Variants in ZNF708 observed in about 807,000 individuals in gnomAD.
The protein encoded by ZNF708 is ZNF15, ZNF15L1.
Under a neutral mutation model 47.0 loss-of-function variants are expected in ZNF708, and 44 were observed. The ratio of observed to expected loss-of-function variants is 0.94; its 90% CI spans 0.74 to 1.20. ZNF708 has a LOEUF of 1.20. Ranked by LOEUF, ZNF708 falls within the 50% of genes most tolerant of loss-of-function variation. The pLI is 0.00. For synonymous variants in ZNF708, 184 were observed against 218.5 expected, an observed-to-expected ratio of 0.84 and a Z score of 1.39; for missense variants, 557 against 656.0, an observed-to-expected ratio of 0.85 and a Z score of 1.65.
At chr19:21,318,459 A>C (rs1973060362) in intron 1 of ZNF708, 2 of 152,200 alleles carry the variant, frequency 1.3e-5, no homozygotes, top group Admixed American at 1.3e-4. Flanking sequence ...AAAGAAGTTA[A>C]ATGTATCTTG....
chr19:21,300,497 A>G (rs1409304540), intron 3 of ZNF708, among the ~76,000 whole-genome samples: 5 of 148,928 alleles, frequency 3.4e-5, no homozygotes, highest in African/African-American at 1.2e-4. Flanking sequence ...CAAGAACGAA[A>G]CTCTGTCTAA....
intron 1 of ZNF708, among the ~76,000 whole-genome samples, chr19:21,321,386 G>A (rs1973133128): frequency 6.6e-6 from 1 of 151,926 alleles, no homozygotes; most frequent in African/African-American, 2.4e-5. Flanking sequence ...TCAGGAGTTC[G>A]AGACCAGTCT....
Position 21,291,745 on chromosome 19 carries a change from ATC to A in ZNF708, c.*1527_*1528del, listed in dbSNP as rs1972398889. 6.6e-6 allele frequency: 1 copy of A among 152,054 alleles called. No homozygotes were observed. The highest frequency in any genetic ancestry group is 2.1e-4 in the South Asian group (1 of 4,786). 9.4% of individuals were successfully genotyped at this position (152,054 alleles called of 1,614,324 possible). A position where few individuals can be genotyped will look rare whatever the true frequency, so the allele number is the denominator to read the frequency against. On this transcript the variant is annotated 3_prime_UTR_variant, in exon 4 of 4. Transcript: ENST00000356929. Reference sequence around the variant, plus strand: ...CCGGACGTGGTGGTGTGCACCTGTAATCTCAGCTACTCAGTAGGCTGAGGCAG... The same window carrying A: ...CCGGACGTGGTGGTGTGCACCTGTAATCAGCTACTCAGTAGGCTGAGGCAG...
intron 1 of ZNF708, among the ~76,000 whole-genome samples, chr19:21,322,703 C>A (rs1002909227): frequency 1.3e-5 from 2 of 152,214 alleles, no homozygotes; most frequent in East Asian, 3.8e-4. Context: ...GAGAGCAGAG[C>A]GTCCCATTCC....
intron 1 of ZNF708, among the ~76,000 whole-genome samples, chr19:21,320,717 T>A (rs1973110947): frequency 7.8e-6 from 1 of 128,472 alleles, no homozygotes; most frequent in African/African-American, 3.0e-5. Flanking sequence ...ATAAAAGATC[T>A]AATAAAAACA....
chr19:21,302,902 A>G (rs972212577), intron 3 of ZNF708, among the ~76,000 whole-genome samples: 1 of 152,036 alleles, frequency 6.6e-6, no homozygotes, highest in Non-Finnish European at 1.5e-5. Flanking sequence ...GAAACACATA[A>G]CAATAACAGT....
In ZNF708 at chr19:21,291,512, A is replaced by T. The variant is rs489845; in HGVS notation, c.*1762T>A. 144,823 of 152,244 alleles carry T rather than the reference A, an allele frequency of 0.95. 69,148 individuals are homozygous for T. The highest frequency in any genetic ancestry group is 1 in the Middle Eastern group (293 of 294). 9.4% of individuals were successfully genotyped at this position (152,244 alleles called of 1,614,324 possible). On this transcript the variant is annotated 3_prime_UTR_variant, in exon 4 of 4. Transcript: ENST00000356929. Reference sequence around the variant, plus strand: ...AATGAAGAAATAGCATCAAGTAACTAGAGAGTTGAATCACAGCAATATTAG... The same window carrying T: ...AATGAAGAAATAGCATCAAGTAACTTGAGAGTTGAATCACAGCAATATTAG...
intron 2 of ZNF708, among the ~76,000 whole-genome samples, chr19:21,310,046 A>G (rs1253082704): frequency 6.6e-6 from 1 of 152,208 alleles, no homozygotes; most frequent in African/African-American, 2.4e-5. Flanking sequence ...CATTTTCTTA[A>G]AAACAGGTAG....
chr19:21,295,475 G>A (rs1376134648), intron 3 of ZNF708, among the ~76,000 whole-genome samples: 1 of 152,136 alleles, frequency 6.6e-6, no homozygotes, highest in Non-Finnish European at 1.5e-5. Flanking sequence ...GCCGGGCACA[G>A]TAGCTCACAG....
intron 1 of ZNF708, among the ~76,000 whole-genome samples, chr19:21,312,961 T>C (rs1159893001): frequency 1.5e-4 from 23 of 151,560 alleles, no homozygotes; most frequent in Admixed American, 1.5e-3. Flanking sequence ...CATGTACTAA[T>C]GCAAGGTGTA....
At position 21,294,014 on chromosome 19, in the gene ZNF708, T is replaced by C. The variant is rs757386413; in HGVS notation, c.952A>G (p.Thr318Ala). 6.2e-6 allele frequency: 10 copies of C among 1,613,060 alleles called. No individual in the cohort carries two copies. The East Asian group carries it at 2.0e-4, about 32-fold the overall frequency. ...TGTGTAGTAAGGTGTGAAGATAGGG[T>C]AAAGGCTTTGCCACATTCTCCACAT... ...YKCGECGKAF[T>A]LSSHLTTHKR... Residue 318 changes from threonine to alanine, a missense_variant, in exon 4 of 4, where the codon ACC becomes GCC. Transcript: ENST00000356929.
At chr19:21,303,559 GA>G (rs898227278) in intron 3 of ZNF708, among the ~76,000 whole-genome samples, 2 of 143,998 alleles carry the variant, frequency 1.4e-5, no homozygotes, top group Admixed American at 6.9e-5. Context: ...TTCTCAAAAA[GA>G]AAAAAAATTA....
intron 3 of ZNF708, among the ~76,000 whole-genome samples, chr19:21,297,272 T>TATATATATATA (rs1568345582): frequency 1.9e-3 from 61 of 32,580 alleles, no homozygotes; most frequent in South Asian, 2.5e-3. Context: ...ATATATATAT[T>TATATATATATA]TTTTTTTTTT....
intron 1 of ZNF708, among the ~76,000 whole-genome samples, chr19:21,318,899 C>A (rs904413092): frequency 6.6e-6 from 1 of 152,050 alleles, no homozygotes; most frequent in Admixed American, 6.6e-5. Context: ...CTATAACTAT[C>A]CCTATTGGAT....
At position 21,308,701 on chromosome 19, in the gene ZNF708, GC is replaced by G. The variant is rs758777744; in HGVS notation, c.226+544del. ...GATAGGATTACAGCTGTGAGCCACT[GC>G]CCCCCCAGCCAAAACTACAAGAAAC... On this transcript the variant is annotated intron_variant, in intron 3 of 3. Transcript: ENST00000356929. Among the ~76,000 whole-genome samples the G allele has an allele frequency of 9.2e-5, 14 of 152,088 alleles. No homozygotes were observed. In the South Asian group the frequency reaches 1.9e-3, roughly 20 times the overall value.
At chr19:21,328,535 A>G (rs1171904296) in intron 1 of ZNF708, among the ~76,000 whole-genome samples, 1 of 152,198 alleles carries the variant, frequency 6.6e-6, no homozygotes, top group Admixed American at 6.5e-5. Flanking sequence ...TGAAAAATGC[A>G]GGGGAAAATC....
At chr19:21,299,938 T>C (rs944609739) in intron 3 of ZNF708, among the ~76,000 whole-genome samples, 1 of 152,072 alleles carries the variant, frequency 6.6e-6, no homozygotes, top group Non-Finnish European at 1.5e-5. Flanking sequence ...ATTAGAAGAA[T>C]TTCTAACACT....
intron 1 of ZNF708, among the ~76,000 whole-genome samples, chr19:21,324,502 A>G (rs11672341): frequency 0.16 from 23,724 of 152,004 alleles, 2,157 homozygotes; most frequent in Non-Finnish European, 0.21. Context: ...AGGAGGCGGA[A>G]GCTGCAGTAA....
Position 21,300,337 on chromosome 19 carries a change from T to C in ZNF708, c.227-5598A>G, listed in dbSNP as rs542055667. Among the ~76,000 whole-genome samples, 4 of 151,986 alleles carry C rather than the reference T, an allele frequency of 2.6e-5. No homozygotes were observed. In the East Asian group the frequency reaches 7.8e-4, roughly 30 times the overall value. The stretch of plus-strand genomic sequence containing the variant: ...CCAGCCTCAACATGGAGAAACCCCA[T>C]CTCTACTAAAAATACAAAATTAGTC... On this transcript the variant is annotated intron_variant, in intron 3 of 3. Coordinates refer to ENST00000356929, the MANE Select transcript of ZNF708 (RefSeq NM_021269.3).
Sources: gnomAD v4.1 joint callset for allele counts (sites outside exome capture counted in the v4.1 genomes callset) on GRCh38, gnomAD v4.1.1 for gene constraint, MANE v1.5 for transcripts, NCBI Gene and HGNC (gene_info 2026-07-23, HGNC 2026-07-21) for gene names.